ULK4: variants seen among roughly 807,000 people sequenced by gnomAD.
ULK4 encodes the protein unc-51 like kinase 4.
A neutral mutation model predicts 160.6 loss-of-function variants in ULK4; 133 were observed. The ratio of observed to expected loss-of-function variants is 0.83; its 90% CI spans 0.72 to 0.96. The LOEUF (loss-of-function observed/expected upper bound fraction) is 0.96, where lower values mean the gene tolerates loss of function less well. Among genes scored for constraint, ULK4 ranks in the 40% least tolerant of loss-of-function variants. The pLI is 0.00. For missense variants in ULK4, 1,580 were observed against 1,499.5 expected, an observed-to-expected ratio of 1.05 and a Z score of -0.89; for synonymous variants, 534 against 539.8, an observed-to-expected ratio of 0.99 and a Z score of 0.15.
intron 35 of ULK4, among the ~76,000 whole-genome samples, chr3:41,322,253 A>C (rs923897699): frequency 2.0e-5 from 3 of 148,350 alleles, no homozygotes; most frequent in African/African-American, 7.7e-5. Context: ...GCTGGTCTGG[A>C]ACTCCTGGCC....
chr3:41,270,440 C>G (rs58539437), intron 35 of ULK4, among the ~76,000 whole-genome samples: 12,899 of 152,176 alleles, frequency 0.085, 1,407 homozygotes, highest in African/African-American at 0.24. Context: ...CTTAGAGTCA[C>G]GAAGCAGAAA....
In ULK4 at chr3:41,754,474, T is replaced by C; in HGVS notation, c.2208A>G (p.Thr736=). 6.2e-7 allele frequency: 1 copy of C among 1,612,744 alleles called. No individual in the cohort carries two copies. The highest frequency in any genetic ancestry group is 8.5e-7 in the Non-Finnish European group (1 of 1,179,562). ...AGGGGCTGTCAAGTAAACGGATAAT[T>C]GTGGAGACAAAACCCTGTAGAAGAC... ...RLIQEKGFVS[T]IIRLLDSPST... Residue 736 remains threonine (T), a synonymous_variant, in exon 22 of 37, where the codon ACA becomes ACG. Transcript: ENST00000301831.
intron 35 of ULK4, among the ~76,000 whole-genome samples, chr3:41,298,243 TGATG>T (rs2079711118): frequency 6.6e-6 from 1 of 152,256 alleles, no homozygotes; most frequent in Admixed American, 6.5e-5. Flanking sequence ...TTGGTTTTTC[TGATG>T]GATGAACTAT....
intron 32 of ULK4, among the ~76,000 whole-genome samples, chr3:41,509,580 A>T (rs774344103): frequency 1.2e-4 from 18 of 152,348 alleles, no homozygotes; most frequent in Non-Finnish European, 2.2e-4. Context: ...AGGTAAAAGC[A>T]TCAGGTAACC....
At chr3:41,879,960 T>C (rs1697450962) in intron 17 of ULK4, among the ~76,000 whole-genome samples, 2 of 152,036 alleles carry the variant, frequency 1.3e-5, no homozygotes, top group Non-Finnish European at 2.9e-5. Flanking sequence ...CTACTAAAAA[T>C]ACAAAATAAA....
intron 21 of ULK4, among the ~76,000 whole-genome samples, chr3:41,774,197 G>A (rs1427729080): frequency 0.014 from 1,899 of 134,682 alleles, no homozygotes; most frequent in Non-Finnish European, 0.018. Context: ...AAAAGCAATG[G>A]CAACAAAAGC....
At position 41,249,545 on chromosome 3, in the gene ULK4, G is replaced by T; in HGVS notation, c.3708C>A (p.Ser1236Arg). Reference protein sequence around the residue: ...MITSNEKHLESLKNAGSLLRA... With the variant: ...MITSNEKHLERLKNAGSLLRA... Reference sequence around the variant, plus strand: ...GCAGGAGGCTGCCTGCATTCTTGAGGCTCTCCAAGTGCTTCTCATTGGAGG... The same window carrying T: ...GCAGGAGGCTGCCTGCATTCTTGAGTCTCTCCAAGTGCTTCTCATTGGAGG... The change falls in exon 36 of 37, where the codon AGC becomes AGA. Residue 1236 changes from serine (S) to arginine (R), a missense_variant. Coordinates refer to ENST00000301831, the MANE Select transcript of ULK4 (RefSeq NM_017886.4). 6.2e-7 allele frequency: 1 copy of T among 1,614,118 alleles called. No homozygotes were observed. Among genetic ancestry groups the T allele is most frequent in the Non-Finnish European group, 8.5e-7 (1 of 1,180,002 alleles).
intron 34 of ULK4, among the ~76,000 whole-genome samples, chr3:41,452,813 A>G (rs563247615): frequency 1.3e-5 from 2 of 152,190 alleles, no homozygotes; most frequent in Admixed American, 6.5e-5. Flanking sequence ...CGAGCTAAGA[A>G]TATCTTCCAT....
At chr3:41,513,761 C>T (rs559513790) in intron 32 of ULK4, among the ~76,000 whole-genome samples, 1 of 152,232 alleles carries the variant, frequency 6.6e-6, no homozygotes, top group South Asian at 2.1e-4. Flanking sequence ...GAGAGCTAAG[C>T]TCTGAGGATG....
chr3:41,591,624 C>T (rs1163807896), intron 31 of ULK4, among the ~76,000 whole-genome samples: 2 of 152,136 alleles, frequency 1.3e-5, no homozygotes, highest in Non-Finnish European at 2.9e-5. Flanking sequence ...GAATGAAGGT[C>T]TCCTAAGGCA....
chr3:41,420,918 A>T (rs1193294116), intron 34 of ULK4, among the ~76,000 whole-genome samples: 1 of 151,846 alleles, frequency 6.6e-6, no homozygotes, highest in African/African-American at 2.4e-5. Flanking sequence ...GTTTGAGACC[A>T]GCCTGGCCAA....
At chr3:41,378,749 G>A (rs1055403860) in intron 35 of ULK4, among the ~76,000 whole-genome samples, 4 of 151,448 alleles carry the variant, frequency 2.6e-5, no homozygotes, top group Non-Finnish European at 5.9e-5. Context: ...CCTGCACGTT[G>A]TGCACATGTA....
intron 34 of ULK4, among the ~76,000 whole-genome samples, chr3:41,445,204 C>A (rs1346852149): frequency 2.6e-5 from 4 of 152,130 alleles, no homozygotes; most frequent in African/African-American, 4.8e-5. Context: ...CTACAAACCA[C>A]TGCTCAAGGA....
intron 27 of ULK4, among the ~76,000 whole-genome samples, chr3:41,693,743 T>C (rs1024359201): frequency 2.0e-5 from 3 of 152,208 alleles, no homozygotes; most frequent in African/African-American, 7.2e-5. Context: ...GGAGTGACAC[T>C]GCTCTGAATA....
intron 18 of ULK4, among the ~76,000 whole-genome samples, chr3:41,826,174 A>AG (rs1248360443): frequency 6.6e-6 from 1 of 152,194 alleles, no homozygotes; most frequent in African/African-American, 2.4e-5. Flanking sequence ...AAACATGGAA[A>AG]GACCAACCAG....
chr3:41,287,983 T>G (rs3936763), intron 35 of ULK4, among the ~76,000 whole-genome samples: 25,853 of 152,098 alleles, frequency 0.17, 2,735 homozygotes, highest in African/African-American at 0.29. Context: ...TGGGCAAATA[T>G]AATCTGATTG....
intron 27 of ULK4, among the ~76,000 whole-genome samples, chr3:41,682,007 A>T (rs1222893048): frequency 6.6e-6 from 1 of 152,228 alleles, no homozygotes; most frequent in African/African-American, 2.4e-5. Flanking sequence ...TCAGGTCAAA[A>T]TGACATTATG....
chr3:41,890,573 G>A (rs1399319439), intron 16 of ULK4, among the ~76,000 whole-genome samples: 6 of 151,066 alleles, frequency 4.0e-5, no homozygotes, highest in Non-Finnish European at 7.4e-5. Context: ...CCAGCTACTC[G>A]GGAGGCTGAG....
chr3:41,451,310 G>A (rs966549164), intron 34 of ULK4, among the ~76,000 whole-genome samples: 12 of 151,996 alleles, frequency 7.9e-5, no homozygotes, highest in African/African-American at 2.7e-4. Context: ...TCCAAGAATC[G>A]TCTTGTAAAG....
Sources: gnomAD v4.1 joint callset for allele counts (sites outside exome capture counted in the v4.1 genomes callset) on GRCh38, gnomAD v4.1.1 for gene constraint, MANE v1.5 for transcripts, NCBI Gene and HGNC (gene_info 2026-07-23, HGNC 2026-07-21) for gene names.